The following RERE variants were observed in gnomAD, a reference collection of about 807,000 sequenced individuals.
RERE encodes the protein arginine-glutamic acid dipeptide repeats.
In RERE, 40 loss-of-function variants were observed where a neutral mutation model predicts 146.1. The observed-to-expected ratio is 0.27, with a 90% CI of 0.21 to 0.36. The LOEUF (loss-of-function observed/expected upper bound fraction) is 0.36, where lower values mean the gene tolerates loss of function less well. RERE is among the 10% of genes least tolerant of loss of function. RERE has a pLI of 1.00. For synonymous variants in RERE, 1,003 were observed against 866.0 expected (o/e 1.16, Z -2.78); for missense variants, 1,933 against 2,138.7 (o/e 0.90, Z 1.90).
chr1:8,633,437 G>C (rs904545107), intron 2 of RERE, among the ~76,000 whole-genome samples: 1 of 151,576 alleles, frequency 6.6e-6, no homozygotes, highest in African/African-American at 2.4e-5. Context: ...ACACGCACGT[G>C]CGCACGCACA....
intron 1 of RERE, among the ~76,000 whole-genome samples, chr1:8,759,249 T>C (rs1640705618): frequency 6.6e-6 from 1 of 152,252 alleles, no homozygotes; most frequent in Non-Finnish European, 1.5e-5. Flanking sequence ...TTCTGACACA[T>C]TAACTGTAGA....
At chr1:8,405,936 G>T (rs1243043326) in intron 12 of RERE, among the ~76,000 whole-genome samples, 1 of 152,036 alleles carries the variant, frequency 6.6e-6, no homozygotes, top group Non-Finnish European at 1.5e-5. Context: ...CAGCCGGCCT[G>T]ATTTTAATTT....
At chr1:8,655,160 A>G (rs1638240154) in intron 2 of RERE, among the ~76,000 whole-genome samples, 1 of 151,636 alleles carries the variant, frequency 6.6e-6, no homozygotes, top group South Asian at 2.1e-4. Context: ...TGAAGCTCAA[A>G]TTTTTGGAAA....
intron 7 of RERE, among the ~76,000 whole-genome samples, chr1:8,518,175 G>A (rs1645445629): frequency 6.6e-6 from 1 of 152,244 alleles, no homozygotes; most frequent in Non-Finnish European, 1.5e-5. Context: ...AAGGGAAGAT[G>A]AGGGAGGAGG....
intron 2 of RERE, among the ~76,000 whole-genome samples, chr1:8,639,914 A>G (rs554278208): frequency 3.6e-4 from 55 of 152,366 alleles, no homozygotes; most frequent in African/African-American, 1.3e-3. Flanking sequence ...GTCTAATAAT[A>G]ATGATAGCCT....
intron 7 of RERE, among the ~76,000 whole-genome samples, chr1:8,521,478 A>AT (rs888443893): frequency 4.6e-5 from 7 of 151,900 alleles, no homozygotes; most frequent in African/African-American, 1.5e-4. Flanking sequence ...CTGCATGCCT[A>AT]TTTTTTTTAA....
intron 4 of RERE, among the ~76,000 whole-genome samples, chr1:8,571,002 G>C (rs1479952550): frequency 6.6e-6 from 1 of 152,272 alleles, no homozygotes; most frequent in African/African-American, 2.4e-5. Context: ...CAAAAACTGA[G>C]CTCAGGATAT....
intron 8 of RERE, among the ~76,000 whole-genome samples, chr1:8,505,328 T>A (rs779917328): frequency 3.9e-5 from 6 of 152,226 alleles, no homozygotes; most frequent in Non-Finnish European, 8.8e-5. Context: ...ATTGTGATTG[T>A]GTCCAAATCC....
At chr1:8,386,022 A>ATATATATATAT (rs1186333936) in intron 12 of RERE, among the ~76,000 whole-genome samples, 1 of 26,624 alleles carries the variant, frequency 3.8e-5, no homozygotes, top group Non-Finnish European at 6.0e-5. Flanking sequence ...ATATATATAT[A>ATATATATATAT]TTTTTTTTTT....
chr1:8,761,243 A>G (rs1640751327), intron 1 of RERE, among the ~76,000 whole-genome samples: 1 of 152,208 alleles, frequency 6.6e-6, no homozygotes, highest in Admixed American at 6.5e-5. Flanking sequence ...TTGCAATGTG[A>G]CAAACTTGGA....
At chr1:8,485,520 G>GA (rs1644887555) in intron 10 of RERE, among the ~76,000 whole-genome samples, 2 of 151,560 alleles carry the variant, frequency 1.3e-5, no homozygotes, top group Admixed American at 1.3e-4. Flanking sequence ...TAAATACAAA[G>GA]AAAAAACAAG....
At chr1:8,608,738 C>T (rs1300641324) in intron 4 of RERE, among the ~76,000 whole-genome samples, 2 of 152,298 alleles carry the variant, frequency 1.3e-5, no homozygotes, top group South Asian at 2.1e-4. Flanking sequence ...TCTAAAAATG[C>T]GGCTTGATGC....
Position 8,556,621 on chromosome 1 carries a change from A to C in RERE, c.629-50T>G, listed in dbSNP as rs763698384. The stretch of plus-strand genomic sequence containing the variant: ...CATTAAAACTGAGTTTCCCAAAACA[A>C]GTAAAAAAAATTTGTAAAACTTTTC... On this transcript the variant is annotated intron_variant, in intron 5 of 22. Transcript: ENST00000400908. 11 of 1,190,024 alleles carry C rather than the reference A, an allele frequency of 9.2e-6. 1 individual carries two copies. The South Asian group carries it at 1.4e-4, about 15-fold the overall frequency. The allele number at this position is 1,190,024 out of a possible 1,614,324, so 73.7% of individuals were successfully genotyped here. A position where few individuals can be genotyped will look rare whatever the true frequency, so the allele number is the denominator to read the frequency against.
rs1236239623 is a variant in RERE, at chr1:8,525,694, T to C, written c.830+15520A>G. On this transcript the variant is annotated intron_variant, in intron 7 of 22. Coordinates refer to ENST00000400908, the MANE Select transcript of RERE (RefSeq NM_001042681.2). The stretch of plus-strand genomic sequence containing the variant: ...ATGATGAAATGATTCATAAACACCT[T>C]CAGAAGTGAGAAAGAGCAGCAAAAC... 3.3e-6 allele frequency: 5 copies of C among 1,492,784 alleles called. No individual in the cohort carries two copies. The African/African-American group carries it at 5.7e-5, about 17-fold the overall frequency. 92.5% of individuals were successfully genotyped at this position (1,492,784 alleles called of 1,614,324 possible). A position where few individuals can be genotyped will look rare whatever the true frequency, so the allele number is the denominator to read the frequency against.
At chr1:8,627,813 C>T (rs757027344) in intron 2 of RERE, among the ~76,000 whole-genome samples, 1 of 152,054 alleles carries the variant, frequency 6.6e-6, no homozygotes, top group East Asian at 1.9e-4. Context: ...TTTCATTTCC[C>T]GCTGCAAAGT....
chr1:8,779,688 C>G (rs544419189), intron 1 of RERE, among the ~76,000 whole-genome samples: 1 of 152,082 alleles, frequency 6.6e-6, no homozygotes, highest in Admixed American at 6.6e-5. Context: ...ATGTAAGCTC[C>G]ATGAGAGCAG....
At position 8,549,126 on chromosome 1, in the gene RERE, CAA is replaced by C. The variant is rs201331978; in HGVS notation, c.725+7347_725+7348del. Among the ~76,000 whole-genome samples the C allele has an allele frequency of 2.4e-3, 365 of 152,236 alleles. 1 individual carries two copies. Among genetic ancestry groups the C allele is most frequent in the African/African-American group, 7.9e-3 (329 of 41,536 alleles). The stretch of plus-strand genomic sequence containing the variant: ...TCTGCCTGCTAACTGGATCTAGAAA[CAA>C]TGATATCCAGTAGTAACACACATGC... On this transcript the variant is annotated intron_variant, in intron 6 of 22. Transcript: ENST00000400908.
chr1:8,464,630 T>C (rs1644572478), intron 11 of RERE, among the ~76,000 whole-genome samples: 1 of 152,162 alleles, frequency 6.6e-6, no homozygotes, highest in Non-Finnish European at 1.5e-5. Flanking sequence ...GCAGAAACAT[T>C]CCTGCCTACT....
intron 1 of RERE, among the ~76,000 whole-genome samples, chr1:8,741,907 C>T (rs1640317638): frequency 6.6e-6 from 1 of 152,132 alleles, no homozygotes; most frequent in Non-Finnish European, 1.5e-5. Context: ...GATAAGGAGA[C>T]AATGCCTTTG....
Sources: gnomAD v4.1 joint callset for allele counts (sites outside exome capture counted in the v4.1 genomes callset) on GRCh38, gnomAD v4.1.1 for gene constraint, MANE v1.5 for transcripts, NCBI Gene and HGNC (gene_info 2026-07-23, HGNC 2026-07-21) for gene names.